Variants in SSBP2 observed in about 807,000 individuals in gnomAD.
SSBP2 encodes the protein single stranded DNA binding protein 2.
Under a neutral mutation model 61.8 loss-of-function variants are expected in SSBP2, and 17 were observed. The observed-to-expected ratio is 0.28, with a 90% CI of 0.19 to 0.41. SSBP2 has a LOEUF of 0.41. SSBP2 is among the 10% of genes least tolerant of loss of function. The pLI, the probability that SSBP2 is intolerant of heterozygous loss-of-function variation, is 1.00. For missense variants in SSBP2, 310 were observed against 458.7 expected, an observed-to-expected ratio of 0.68 and a Z score of 2.96; for synonymous variants, 139 against 141.3, an observed-to-expected ratio of 0.98 and a Z score of 0.12.
In SSBP2 at chr5:81,704,115, C is replaced by T. The variant is rs185170818; in HGVS notation, c.62+46866G>A. 3.3e-5 allele frequency among the ~76,000 whole-genome samples: 5 copies of T among 152,318 alleles called. No individual in the cohort carries two copies. In the East Asian group the frequency reaches 9.6e-4, roughly 29 times the overall value. ...TTTGTGTTACCCAACCAATGAGGTA[C>T]AGGGTTGGGGATTCTTCTTAGTTAT... On this transcript the variant is annotated intron_variant, in intron 1 of 16. Coordinates refer to ENST00000320672, the MANE Select transcript of SSBP2 (RefSeq NM_012446.5).
chr5:81,434,633 C>CAAAAAAA (rs34269591), intron 15 of SSBP2, among the ~76,000 whole-genome samples: 7 of 42,972 alleles, frequency 1.6e-4, no homozygotes, highest in Non-Finnish European at 2.9e-4. Context: ...ACTCTTGACT[C>CAAAAAAA]AAAAAAAAAA....
chr5:81,564,639 C>T (rs1398708914), intron 4 of SSBP2, among the ~76,000 whole-genome samples: 2 of 152,206 alleles, frequency 1.3e-5, no homozygotes, highest in Admixed American at 6.5e-5. Context: ...CATTCTCATA[C>T]AGACAGTGAC....
At chr5:81,555,063 C>T (rs1049875721) in intron 4 of SSBP2, among the ~76,000 whole-genome samples, 43 of 152,130 alleles carry the variant, frequency 2.8e-4, no homozygotes, top group African/African-American at 9.6e-4. Flanking sequence ...CTCAATATTG[C>T]TTTCTGTAAT....
intron 5 of SSBP2, among the ~76,000 whole-genome samples, chr5:81,497,212 G>A (rs1401606698): frequency 1.3e-5 from 2 of 152,154 alleles, no homozygotes; most frequent in Non-Finnish European, 1.5e-5. Flanking sequence ...GTGTTTTTAA[G>A]GGAATAGTAG....
chr5:81,418,598 G>A lies in SSBP2; in HGVS notation c.*1906C>T, dbSNP rs893469718. On this transcript the variant is annotated 3_prime_UTR_variant, in exon 17 of 17. Coordinates refer to ENST00000320672, the MANE Select transcript of SSBP2 (RefSeq NM_012446.5). ...ATTGTCCTTGTCTGAACATCATAGAGTGTACTTACACAAACCTAGATGGTA... is the reference window on the plus strand; with the variant it reads ...ATTGTCCTTGTCTGAACATCATAGAATGTACTTACACAAACCTAGATGGTA... 2 of 152,126 alleles carry A rather than the reference G, an allele frequency of 1.3e-5. No homozygotes were observed. The highest frequency in any genetic ancestry group is 1.9e-4 in the East Asian group (1 of 5,192). The allele number at this position is 152,126 out of a possible 1,614,324, so 9.4% of individuals were successfully genotyped here. A position where few individuals can be genotyped will look rare whatever the true frequency, so the allele number is the denominator to read the frequency against.
intron 2 of SSBP2, among the ~76,000 whole-genome samples, chr5:81,642,828 A>G (rs556099135): frequency 3.9e-5 from 6 of 152,368 alleles, no homozygotes; most frequent in Admixed American, 3.9e-4. Context: ...CAAAAATTAA[A>G]GCACAGAATG....
At chr5:81,571,076 G>A (rs542692837) in intron 4 of SSBP2, among the ~76,000 whole-genome samples, 1 of 152,274 alleles carries the variant, frequency 6.6e-6, no homozygotes, top group South Asian at 2.1e-4. Flanking sequence ...TGACAGGTTA[G>A]AGGAATTATC....
intron 16 of SSBP2, among the ~76,000 whole-genome samples, chr5:81,422,232 G>A (rs1449122491): frequency 1.3e-5 from 2 of 152,080 alleles, no homozygotes; most frequent in African/African-American, 2.4e-5. Context: ...GGCAGAAAGA[G>A]AATAAAATGA....
At chr5:81,676,607 A>G (rs1752006221) in intron 1 of SSBP2, among the ~76,000 whole-genome samples, 1 of 152,168 alleles carries the variant, frequency 6.6e-6, no homozygotes, top group South Asian at 2.1e-4. Flanking sequence ...CTGCTAAACC[A>G]GGAAAATGGC....
intron 4 of SSBP2, among the ~76,000 whole-genome samples, chr5:81,558,260 G>A (rs1772760106): frequency 6.6e-6 from 1 of 152,130 alleles, no homozygotes; most frequent in Non-Finnish European, 1.5e-5. Flanking sequence ...GTCTTAGTCT[G>A]GGTGGCTATC....
At chr5:81,501,417 A>C (rs1767753831) in intron 5 of SSBP2, among the ~76,000 whole-genome samples, 1 of 149,916 alleles carries the variant, frequency 6.7e-6, no homozygotes, top group Non-Finnish European at 1.5e-5. Context: ...GAATACAAAA[A>C]TGACATAGAG....
At chr5:81,750,333 CCAACCCGCACACGCCCTCCG>C (rs1352829757) in intron 1 of SSBP2, among the ~76,000 whole-genome samples, 1 of 147,380 alleles carries the variant, frequency 6.8e-6, no homozygotes, top group East Asian at 2.0e-4. Context: ...GCCCGGACGC[CCAACCCGCACACGCCCTCCG>C]CGCCCCGCGC....
chr5:81,742,973 T>A (rs559586892), intron 1 of SSBP2, among the ~76,000 whole-genome samples: 1 of 152,284 alleles, frequency 6.6e-6, no homozygotes, highest in Non-Finnish European at 1.5e-5. Context: ...CTAGAAGGTT[T>A]AGGAGAAATA....
At chr5:81,718,990 G>C (rs547953626) in intron 1 of SSBP2, among the ~76,000 whole-genome samples, 1 of 152,032 alleles carries the variant, frequency 6.6e-6, no homozygotes, top group South Asian at 2.1e-4. Context: ...CTAAATTTTT[G>C]GGGGTTTGTC....
intron 3 of SSBP2, among the ~76,000 whole-genome samples, chr5:81,631,842 T>C (rs1016977806): frequency 6.6e-6 from 1 of 152,174 alleles, no homozygotes; most frequent in African/African-American, 2.4e-5. Flanking sequence ...ATTTGACTCA[T>C]CATCATTTTA....
chr5:81,510,642 TC>T, intron 5 of SSBP2, among the ~76,000 whole-genome samples: 1 of 151,980 alleles, frequency 6.6e-6, no homozygotes, highest in South Asian at 2.1e-4. Context: ...ATGCCTGTAA[TC>T]CCAGCTACTC....
At chr5:81,693,121 C>T (rs1445356271) in intron 1 of SSBP2, among the ~76,000 whole-genome samples, 1 of 150,518 alleles carries the variant, frequency 6.6e-6, no homozygotes, top group East Asian at 2.0e-4. Context: ...AGGAGAATCG[C>T]TTGAACCTGG....
chr5:81,643,950 A>T (rs1449966104), intron 2 of SSBP2, among the ~76,000 whole-genome samples: 1 of 152,134 alleles, frequency 6.6e-6, no homozygotes, highest in Non-Finnish European at 1.5e-5. Context: ...TAGATGTTTA[A>T]CAGGAAGAAA....
chr5:81,734,536 TA>T (rs1287103113), intron 1 of SSBP2, among the ~76,000 whole-genome samples: 34 of 152,274 alleles, frequency 2.2e-4, no homozygotes, highest in Admixed American at 4.6e-4. Flanking sequence ...ACCATATAGA[TA>T]ATCAACCAGC....
Sources: gnomAD v4.1 joint callset for allele counts (sites outside exome capture counted in the v4.1 genomes callset) on GRCh38, gnomAD v4.1.1 for gene constraint, MANE v1.5 for transcripts, NCBI Gene and HGNC (gene_info 2026-07-23, HGNC 2026-07-21) for gene names.